Variants in ADAM29 observed in about 807,000 individuals in gnomAD.
ADAM29 encodes the protein ADAM metallopeptidase domain 29.
For missense variants in ADAM29, 969 were observed against 1,001.8 expected (o/e 0.97, Z 0.44); for synonymous variants, 367 against 342.3 (o/e 1.07, Z -0.80).
At position 174,977,025 on chromosome 4, in the gene ADAM29, C is replaced by A; in HGVS notation, c.1500C>A (p.Asp500Glu). The A allele has an allele frequency of 6.2e-7, 1 of 1,614,136 alleles. No homozygotes were observed. The highest frequency in any genetic ancestry group is 8.5e-7 in the Non-Finnish European group (1 of 1,180,022). Residue 500 changes from aspartate to glutamate, a missense_variant, in exon 5 of 5, where the codon GAC (aspartate) becomes GAA (glutamate). Physicochemically the swap from Asp to Glu is conservative, Grantham distance 45 (BLOSUM62 2). Transcript: ENST00000359240. ...ACTGCTATGAAAAGAGCTGTCATGA[C>A]CGCAATGAACAGTGTAGGAGGATTT... The part of the protein sequence containing the change: ...RGYCYEKSCH[D>E]RNEQCRRIFG...
At position 174,976,827 on chromosome 4, in the gene ADAM29, T is replaced by A; in HGVS notation, c.1302T>A (p.Gly434=). 6.2e-7 allele frequency: 1 copy of A among 1,614,192 alleles called. No homozygotes were observed. ...TGTCAAATTGCACTCTGACTGATGGTTCTACTTGTGCTTTTGGGCTTTGTT... is the reference window on the plus strand; with the variant it reads ...TGTCAAATTGCACTCTGACTGATGGATCTACTTGTGCTTTTGGGCTTTGTT... ...CCLSNCTLTD[G]STCAFGLCCK... is the part of the protein sequence containing the mutation. Residue 434 remains glycine, a synonymous_variant, in exon 5 of 5, where the codon GGT becomes GGA. Coordinates refer to ENST00000359240, the MANE Select transcript of ADAM29 (RefSeq NM_014269.4).
At chr4:174,942,066 C>G (rs1299227350) in intron 4 of ADAM29, among the ~76,000 whole-genome samples, 1 of 152,220 alleles carries the variant, frequency 6.6e-6, no homozygotes, top group Non-Finnish European at 1.5e-5. Context: ...GACTTCATGT[C>G]TCACATCAAG....
Position 174,976,726 on chromosome 4 carries a change from G to C in ADAM29, c.1201G>C (p.Gly401Arg). ...GGACATCTTTAATGTGAAGCGCTGT[G>C]GGAATGGTGTTGTTGAAGAAGGAGA... ...TKDIFNVKRC[G>R]NGVVEEGEEC... Residue 401 changes from glycine (G) to arginine (R), a missense_variant, in exon 5 of 5, where the codon GGG (glycine) becomes CGG (arginine). Physicochemically the swap from Gly to Arg is moderately radical, Grantham distance 125 (BLOSUM62 -2). Coordinates refer to ENST00000359240, the MANE Select transcript of ADAM29 (RefSeq NM_014269.4). The C allele has an allele frequency of 6.2e-7, 1 of 1,613,946 alleles. No individual in the cohort carries two copies. The highest frequency in any genetic ancestry group is 1.1e-5 in the South Asian group (1 of 91,032).
intron 4 of ADAM29, among the ~76,000 whole-genome samples, chr4:174,958,085 C>T (rs1212635799): frequency 2.0e-5 from 3 of 151,720 alleles, no homozygotes; most frequent in Non-Finnish European, 4.4e-5. Flanking sequence ...AGGATGTGAT[C>T]TACCTTAGTA....
chr4:174,957,490 A>G (rs527457549), intron 4 of ADAM29, among the ~76,000 whole-genome samples: 1 of 151,928 alleles, frequency 6.6e-6, no homozygotes, highest in African/African-American at 2.4e-5. Context: ...TTACCATTTC[A>G]GGGACAAACT....
intron 4 of ADAM29, among the ~76,000 whole-genome samples, chr4:174,940,312 A>T (rs747809221): frequency 6.6e-6 from 1 of 152,122 alleles, no homozygotes; most frequent in Non-Finnish European, 1.5e-5. Flanking sequence ...AGGTTTGCTT[A>T]TTTAGAGTTA....
At chr4:174,962,597 G>T (rs942935934) in intron 4 of ADAM29, among the ~76,000 whole-genome samples, 9 of 150,896 alleles carry the variant, frequency 6.0e-5, no homozygotes, top group Non-Finnish European at 1.2e-4. Flanking sequence ...ACAATATATT[G>T]TATTCTTGGA....
At chr4:174,944,638 G>C (rs116196682) in intron 4 of ADAM29, among the ~76,000 whole-genome samples, 265 of 152,192 alleles carry the variant, frequency 1.7e-3, no homozygotes, top group African/African-American at 6.0e-3. Context: ...CAGGTAGTAC[G>C]CATAGTACCT....
In ADAM29 at chr4:174,956,923, A is replaced by T. The variant is rs529178779; in HGVS notation, c.-180-18423A>T. Reference sequence around the variant, plus strand: ...AAAAGTCATGTTCCATACATGTAACATGATGCTTTGTAAATCAGCATAGTC... The same window carrying T: ...AAAAGTCATGTTCCATACATGTAACTTGATGCTTTGTAAATCAGCATAGTC... On this transcript the variant is annotated intron_variant, in intron 4 of 4. Coordinates refer to ENST00000359240, the MANE Select transcript of ADAM29 (RefSeq NM_014269.4). Among the ~76,000 whole-genome samples the T allele has an allele frequency of 9.2e-5, 14 of 152,084 alleles. 1 individual carries two copies. The highest frequency in any genetic ancestry group is 2.9e-4 in the African/African-American group (12 of 41,574).
chr4:174,950,091 A>G (rs1745083249), intron 4 of ADAM29, among the ~76,000 whole-genome samples: 1 of 152,208 alleles, frequency 6.6e-6, no homozygotes, highest in Non-Finnish European at 1.5e-5. Flanking sequence ...TAAGTAACAA[A>G]TAAGCAAACA....
intron 4 of ADAM29, among the ~76,000 whole-genome samples, chr4:174,966,489 A>G (rs1026710738): frequency 2.6e-5 from 4 of 152,250 alleles, no homozygotes; most frequent in African/African-American, 7.2e-5. Context: ...AAATACAGAT[A>G]TGGGACAGGA....
intron 2 of ADAM29, among the ~76,000 whole-genome samples, chr4:174,922,738 T>C (rs892426097): frequency 6.6e-6 from 1 of 151,978 alleles, no homozygotes; most frequent in African/African-American, 2.4e-5. Flanking sequence ...CTAAAAAATA[T>C]TTATTCTGTT....
In ADAM29 at chr4:174,976,346, C is replaced by A. The variant is rs1456512629; in HGVS notation, c.821C>A (p.Ser274Ter). 2 of 1,609,654 alleles carry A rather than the reference C, an allele frequency of 1.2e-6. No homozygotes were observed. The highest frequency in any genetic ancestry group is 8.5e-7 in the Non-Finnish European group (1 of 1,178,482). The change falls in exon 5 of 5, where the codon TCG (serine) becomes TAG (stop). Residue 274 changes from serine to a stop codon, truncating the protein, a stop_gained. Coordinates refer to ENST00000359240, the MANE Select transcript of ADAM29 (RefSeq NM_014269.4). LOFTEE classifies it low-confidence loss of function (END_TRUNC). ...KSVHLYCKWK[S>*]ENITPRMQHD... ...GTGCACCTGTATTGCAAGTGGAAGT[C>A]GGAGAACATTACGCCCCGGATGCAA...
At chr4:174,955,743 G>A (rs548916459) in intron 4 of ADAM29, among the ~76,000 whole-genome samples, 2 of 152,012 alleles carry the variant, frequency 1.3e-5, no homozygotes, top group African/African-American at 4.8e-5. Flanking sequence ...AGTTGCAAAA[G>A]CTAAAGGTTA....
intron 1 of ADAM29, among the ~76,000 whole-genome samples, chr4:174,919,493 C>T (rs1264319583): frequency 6.6e-6 from 1 of 152,122 alleles, no homozygotes; most frequent in Non-Finnish European, 1.5e-5. Context: ...TGTTCAGGGT[C>T]TCACAAGCCG....
chr4:174,952,306 C>A (rs958892141), intron 4 of ADAM29, among the ~76,000 whole-genome samples: 3 of 151,528 alleles, frequency 2.0e-5, no homozygotes, highest in Non-Finnish European at 4.4e-5. Flanking sequence ...TCACACATGT[C>A]TCTCCCCTCA....
At chr4:174,942,928 C>G (rs1010562072) in intron 4 of ADAM29, among the ~76,000 whole-genome samples, 2 of 152,200 alleles carry the variant, frequency 1.3e-5, no homozygotes, top group African/African-American at 4.8e-5. Flanking sequence ...TGACTTTACA[C>G]TTTCAGAAAA....
intron 2 of ADAM29, among the ~76,000 whole-genome samples, chr4:174,925,901 T>A (rs1743488580): frequency 6.6e-6 from 1 of 152,180 alleles, no homozygotes; most frequent in African/African-American, 2.4e-5. Flanking sequence ...AAACAAAGTA[T>A]CAGGTACAGA....
chr4:174,957,571 C>T (rs1373513102), intron 4 of ADAM29, among the ~76,000 whole-genome samples: 1 of 151,670 alleles, frequency 6.6e-6, no homozygotes, highest in Non-Finnish European at 1.5e-5. Context: ...CTAGTAAGTT[C>T]CTACTCTGGG....
Sources: allele counts gnomAD v4.1 joint callset (sites outside exome capture counted in the v4.1 genomes callset), GRCh38; gene constraint gnomAD v4.1.1; transcripts MANE v1.5; gene names NCBI Gene and HGNC (gene_info 2026-07-23, HGNC 2026-07-21).